The following MME variants were observed in gnomAD, a reference collection of about 807,000 sequenced individuals.
MME encodes neprilysin.
A neutral mutation model predicts 113.2 loss-of-function variants in MME; 98 were observed. The observed-to-expected ratio is 0.87, with a 90% confidence interval of 0.74 to 1.02. The LOEUF (loss-of-function observed/expected upper bound fraction) is 1.02, where lower values mean the gene tolerates loss of function less well. Among genes scored for constraint, MME ranks in the 50% least tolerant of loss-of-function variants. The probability of loss-of-function intolerance (pLI) is 0.00; values close to 1 mark genes in which losing one functional copy is unlikely to be tolerated. For missense variants in MME, 836 were observed against 896.0 expected, an observed-to-expected ratio of 0.93 and a Z score of 0.86; for synonymous variants, 292 against 300.6, an observed-to-expected ratio of 0.97 and a Z score of 0.30.
At chr3:155,177,921 A>G (rs1712713854) in intron 22 of MME, among the ~76,000 whole-genome samples, 1 of 152,016 alleles carries the variant, frequency 6.6e-6, no homozygotes, top group African/African-American at 2.4e-5. Context: ...CTACAGTCCA[A>G]ATGCTCCAGC....
intron 1 of MME, among the ~76,000 whole-genome samples, chr3:155,055,698 G>A (rs112849683): frequency 0.027 from 4,070 of 152,212 alleles, 82 homozygotes; most frequent in South Asian, 0.088. Flanking sequence ...GTTTATTCTC[G>A]GGAGAGATGG....
rs1274241664 is a variant in MME at position 155,115,307 on chromosome 3, G to T, written c.358+152G>T. On this transcript the variant is annotated intron_variant, in intron 4 of 22. Coordinates refer to ENST00000360490, the MANE Select transcript of MME (RefSeq NM_007289.4). ...TTGTGTACCACCACCAAGTCACTCT[G>T]ATAGTGGCAGACACTGAAATTAATG... is the stretch of plus-strand genomic sequence containing the variant. 3 of 871,802 alleles carry T rather than the reference G, an allele frequency of 3.4e-6. No homozygotes were observed. In the African/African-American group the frequency reaches 5.0e-5, roughly 15 times the overall value. 54.0% of individuals were successfully genotyped at this position (871,802 alleles called of 1,614,324 possible).
At chr3:155,054,717 T>G (rs955385424) in intron 1 of MME, among the ~76,000 whole-genome samples, 5 of 152,298 alleles carry the variant, frequency 3.3e-5, no homozygotes, top group East Asian at 1.9e-4. Flanking sequence ...CTCAGAAGGC[T>G]GAGGCTGGAG....
At chr3:155,170,931 T>C (rs1044233976) in intron 20 of MME, among the ~76,000 whole-genome samples, 13 of 152,206 alleles carry the variant, frequency 8.5e-5, no homozygotes, top group African/African-American at 2.9e-4. Context: ...TTCAGTGTTA[T>C]GCAAACCATT....
At chr3:155,167,163 C>T in intron 18 of MME, 142 bp downstream of exon 18, 1 of 1,161,540 alleles carries the variant, frequency 8.6e-7, no homozygotes, top group Non-Finnish European at 1.3e-6. Context: ...TCAATTTTCC[C>T]TTTAAATTGT....
At chr3:155,171,238 T>C (rs1204560269) in intron 20 of MME, among the ~76,000 whole-genome samples, 1 of 152,200 alleles carries the variant, frequency 6.6e-6, no homozygotes, top group Non-Finnish European at 1.5e-5. Context: ...GTGTAATGCC[T>C]TGCCCCCCTG....
chr3:155,140,580 C>G (rs193224771), intron 10 of MME, among the ~76,000 whole-genome samples: 1 of 151,980 alleles, frequency 6.6e-6, no homozygotes, highest in Non-Finnish European at 1.5e-5. Flanking sequence ...CCACACCTGG[C>G]TAATTCTTGT....
intron 1 of MME, among the ~76,000 whole-genome samples, chr3:155,050,063 T>C (rs752645984): frequency 1.3e-5 from 2 of 152,170 alleles, no homozygotes; most frequent in African/African-American, 2.4e-5. Context: ...TAGCTCCCAG[T>C]TGTAAGTGAG....
chr3:155,038,327 G>A (rs751245003), intron 1 of MME, among the ~76,000 whole-genome samples: 1 of 152,124 alleles, frequency 6.6e-6, no homozygotes, highest in Non-Finnish European at 1.5e-5. Context: ...GCTGTGGCAG[G>A]ACTACTCTCT....
chr3:155,142,413 G>C (rs1721183030), intron 12 of MME, 83 bp downstream of exon 12: 4 of 1,153,708 alleles, frequency 3.5e-6, no homozygotes, highest in Non-Finnish European at 3.9e-6. Flanking sequence ...ACACTGCTAG[G>C]ACATGGTGAA....
intron 3 of MME, among the ~76,000 whole-genome samples, chr3:155,110,075 G>T (rs1718060760): frequency 6.6e-6 from 1 of 152,252 alleles, no homozygotes; most frequent in Non-Finnish European, 1.5e-5. Context: ...AAGTCCGACA[G>T]TGGAGAGGCT....
chr3:155,039,865 T>C (rs1713251086), intron 1 of MME, among the ~76,000 whole-genome samples: 1 of 152,204 alleles, frequency 6.6e-6, no homozygotes, highest in Non-Finnish European at 1.5e-5. Context: ...CACAACATGA[T>C]GTTTTGATGT....
intron 1 of MME, among the ~76,000 whole-genome samples, chr3:155,050,985 T>C (rs1713743566): frequency 6.6e-6 from 1 of 152,204 alleles, no homozygotes; most frequent in Admixed American, 6.5e-5. Context: ...GTGATTAACT[T>C]GGATGTTTGA....
At chr3:155,047,951 A>G (rs1559891817) in intron 1 of MME, among the ~76,000 whole-genome samples, 1 of 152,132 alleles carries the variant, frequency 6.6e-6, no homozygotes, top group African/African-American at 2.4e-5. Context: ...ATGGATTAGT[A>G]TGAGGGTGTT....
At chr3:155,105,642 C>G (rs980489256) in intron 3 of MME, among the ~76,000 whole-genome samples, 1 of 152,156 alleles carries the variant, frequency 6.6e-6, no homozygotes, top group African/African-American at 2.4e-5. Flanking sequence ...TGAGTTCAAA[C>G]CCACTGCATT....
chr3:155,067,811 G>T (rs1414075115), intron 1 of MME, among the ~76,000 whole-genome samples: 1 of 152,104 alleles, frequency 6.6e-6, no homozygotes, highest in South Asian at 2.1e-4. Flanking sequence ...TAGGGCAAAT[G>T]GAATGCTTAT....
rs757277227 is a variant in MME, at chr3:155,166,994, G to A, written c.1753G>A (p.Glu585Lys). ...GGGCATCGGCATGGTCATAGGACAC[G>A]AAATCACCCATGGCTTCGATGACAA... ...YGGIGMVIGHEITHGFDDNGR... is the reference protein window; with the variant it reads ...YGGIGMVIGHKITHGFDDNGR... The change falls in exon 18 of 23, where the codon GAA (glutamate) becomes AAA (lysine). Residue 585 changes from glutamate to lysine, a missense_variant. Physicochemically the swap from Glu to Lys is moderately conservative, Grantham distance 56. Transcript: ENST00000360490. 29 of 1,613,550 alleles carry A rather than the reference G, an allele frequency of 1.8e-5. No individual in the cohort carries two copies. Among genetic ancestry groups the A allele is most frequent in the East Asian group, 4.5e-5 (2 of 44,830 alleles).
chr3:155,087,347 G>A (rs1387461756), intron 3 of MME, among the ~76,000 whole-genome samples: 1 of 151,400 alleles, frequency 6.6e-6, no homozygotes, highest in African/African-American at 2.4e-5. Context: ...GGGAGCGTGA[G>A]GGAGACTTGA....
intron 3 of MME, among the ~76,000 whole-genome samples, chr3:155,093,345 A>C (rs1303061834): frequency 6.6e-6 from 1 of 152,082 alleles, no homozygotes; most frequent in African/African-American, 2.4e-5. Flanking sequence ...AGTTAAAATT[A>C]TTTCAGGATT....
Sources: gnomAD v4.1 joint callset for allele counts (sites outside exome capture counted in the v4.1 genomes callset) on GRCh38, gnomAD v4.1.1 for gene constraint, MANE v1.5 for transcripts, NCBI Gene and HGNC (gene_info 2026-07-23, HGNC 2026-07-21) for gene names.